NUMB: variants seen among roughly 807,000 people sequenced by gnomAD.
The protein encoded by NUMB is protein numb homolog.
In NUMB, 29 loss-of-function variants were observed where a neutral mutation model predicts 59.7. That is an observed-to-expected ratio of 0.49 (90% CI 0.36 to 0.66). The LOEUF is 0.66. NUMB is among the 30% of genes least tolerant of loss of function. NUMB has a pLI of 0.00. For synonymous variants in NUMB, 288 were observed against 288.2 expected, an observed-to-expected ratio of 1.00 and a Z score of 0.01; for missense variants, 723 against 822.0, an observed-to-expected ratio of 0.88 and a Z score of 1.47.
intron 2 of NUMB, among the ~76,000 whole-genome samples, chr14:73,387,220 C>T (rs1895586623): frequency 6.6e-6 from 1 of 152,056 alleles, no homozygotes; most frequent in Admixed American, 6.6e-5. Flanking sequence ...TTGGCTGTGT[C>T]CTTACCCTGA....
At chr14:73,401,954 T>C (rs1896438485) in intron 2 of NUMB, among the ~76,000 whole-genome samples, 1 of 152,104 alleles carries the variant, frequency 6.6e-6, no homozygotes, top group Non-Finnish European at 1.5e-5. Flanking sequence ...CTCAAACTGC[T>C]GGGCTCAAGC....
chr14:73,370,259 C>CCT (rs1349307396), intron 2 of NUMB, among the ~76,000 whole-genome samples: 1 of 152,104 alleles, frequency 6.6e-6, no homozygotes, highest in Non-Finnish European at 1.5e-5. Context: ...ACAAAGTGCC[C>CCT]CTTCCTAAGA....
At chr14:73,332,175 T>G (rs545274479) in intron 4 of NUMB, among the ~76,000 whole-genome samples, 1 of 152,328 alleles carries the variant, frequency 6.6e-6, no homozygotes, top group Non-Finnish European at 1.5e-5. Context: ...TTCTCAGTTC[T>G]AATTATCTGC....
intron 11 of NUMB, among the ~76,000 whole-genome samples, chr14:73,279,743 G>C (rs1263596459): frequency 1.3e-5 from 2 of 152,198 alleles, no homozygotes; most frequent in East Asian, 3.8e-4. Context: ...CTGCGTCTTA[G>C]GAGCAGCAAA....
At chr14:73,436,560 C>T (rs775437332) in intron 1 of NUMB, among the ~76,000 whole-genome samples, 2 of 152,066 alleles carry the variant, frequency 1.3e-5, no homozygotes, top group South Asian at 2.1e-4. Context: ...TCTCATGATC[C>T]GCCCACCTTG....
chr14:73,364,675 TAC>T (rs1182461873), intron 3 of NUMB, among the ~76,000 whole-genome samples: 1 of 152,172 alleles, frequency 6.6e-6, no homozygotes, highest in East Asian at 1.9e-4. Flanking sequence ...TTGTCCAGGC[TAC>T]AGTGCAGTGG....
chr14:73,339,773 TTTTG>T (rs151179268), intron 4 of NUMB, among the ~76,000 whole-genome samples: 7,840 of 152,146 alleles, frequency 0.052, 650 homozygotes, highest in African/African-American at 0.18. Context: ...CCCTATCGTT[TTTTG>T]TTTGTTTGTT....
chr14:73,368,666 G>T (rs1894509568), intron 2 of NUMB, among the ~76,000 whole-genome samples: 1 of 152,082 alleles, frequency 6.6e-6, no homozygotes. Context: ...GTGTAATATA[G>T]TCACAATACT....
chr14:73,368,062 G>A (rs28664166), intron 2 of NUMB, among the ~76,000 whole-genome samples: 9,215 of 151,676 alleles, frequency 0.061, 625 homozygotes, highest in African/African-American at 0.16. Context: ...AAAAAAAGTT[G>A]GCTTGGAATT....
At chr14:73,315,962 C>A (rs1173556322) in intron 6 of NUMB, among the ~76,000 whole-genome samples, 1 of 152,152 alleles carries the variant, frequency 6.6e-6, no homozygotes, top group East Asian at 1.9e-4. Flanking sequence ...TCTCGGCTCA[C>A]TGCAACCTCC....
chr14:73,434,460 T>C (rs979215872), intron 1 of NUMB, among the ~76,000 whole-genome samples: 1 of 152,216 alleles, frequency 6.6e-6, no homozygotes, highest in Non-Finnish European at 1.5e-5. Context: ...TATCCGATAC[T>C]TTACTAGGCT....
At chr14:73,385,145 T>C (rs1005341676) in intron 2 of NUMB, among the ~76,000 whole-genome samples, 24 of 151,766 alleles carry the variant, frequency 1.6e-4, no homozygotes, top group Non-Finnish European at 3.1e-4. Flanking sequence ...TGTGGCTAGT[T>C]TGAGGAACTG....
chr14:73,430,578 G>A (rs1482040607), intron 1 of NUMB, among the ~76,000 whole-genome samples: 4 of 152,026 alleles, frequency 2.6e-5, no homozygotes, highest in African/African-American at 9.7e-5. Context: ...AGGCTGCAGT[G>A]AGCCATGATT....
At chr14:73,360,920 C>A (rs960573141) in intron 3 of NUMB, among the ~76,000 whole-genome samples, 1 of 151,832 alleles carries the variant, frequency 6.6e-6, no homozygotes, top group Non-Finnish European at 1.5e-5. Context: ...GACAGGGTAT[C>A]ACTCTGTCAC....
chr14:73,426,587 CT>C (rs1897592192), intron 1 of NUMB, among the ~76,000 whole-genome samples: 1 of 152,126 alleles, frequency 6.6e-6, no homozygotes, highest in Admixed American at 6.5e-5. Flanking sequence ...GTGGCTCAGA[CT>C]GTAAACCCAG....
chr14:73,301,793 ATG>A (rs1043082039), intron 6 of NUMB, among the ~76,000 whole-genome samples: 2 of 131,158 alleles, frequency 1.5e-5, no homozygotes, highest in African/African-American at 7.7e-5. Flanking sequence ...TTATAAAAAC[ATG>A]TGTGGCCGGG....
chr14:73,353,315 G>A (rs1459723420), intron 4 of NUMB, among the ~76,000 whole-genome samples: 1 of 148,676 alleles, frequency 6.7e-6, no homozygotes, highest in Non-Finnish European at 1.5e-5. Flanking sequence ...TTGAACTCCC[G>A]ACCTCAGGTG....
At chr14:73,342,663 A>C (rs1892696753) in intron 4 of NUMB, among the ~76,000 whole-genome samples, 1 of 152,222 alleles carries the variant, frequency 6.6e-6, no homozygotes, top group South Asian at 2.1e-4. Context: ...TTCAGTATTC[A>C]GTTGGCATCT....
chr14:73,278,324 A>G (rs2139790651), intron 12 of NUMB, among the ~76,000 whole-genome samples: 1 of 152,064 alleles, frequency 6.6e-6, no homozygotes, highest in African/African-American at 2.4e-5. Context: ...GTTCGAAAAC[A>G]GCCTGGCCAA....
Sources: gnomAD v4.1 joint callset for allele counts (sites outside exome capture counted in the v4.1 genomes callset) on GRCh38, gnomAD v4.1.1 for gene constraint, MANE v1.5 for transcripts, NCBI Gene and HGNC (gene_info 2026-07-23, HGNC 2026-07-21) for gene names.